EIF3H: variants seen among roughly 807,000 people sequenced by gnomAD.
EIF3H encodes the protein eIF-3-gamma.
Under a neutral mutation model 44.2 loss-of-function variants are expected in EIF3H, and 26 were observed. That is an observed-to-expected ratio of 0.59 (90% CI 0.43 to 0.82). EIF3H has a LOEUF of 0.82. EIF3H is among the 40% of genes least tolerant of loss of function. The pLI is 0.00. For missense variants in EIF3H, 359 were observed against 432.8 expected (o/e 0.83, Z 1.51); for synonymous variants, 166 against 151.9 (o/e 1.09, Z -0.68).
At chr8:116,756,011 T>C (rs946709562), upstream of EIF3H, 10 of 1,535,924 alleles carry the variant, frequency 6.5e-6, no homozygotes, top group East Asian at 2.2e-4. Context: ...CTCTTTCCGA[T>C]GGAATGATCT....
At chr8:116,668,923 A>C (rs1461397491) in intron 2 of EIF3H, among the ~76,000 whole-genome samples, 1 of 152,152 alleles carries the variant, frequency 6.6e-6, no homozygotes, top group Non-Finnish European at 1.5e-5. Flanking sequence ...GTCAGAAGGA[A>C]ATGTTTGTGT....
chr8:116,710,757 G>A (rs1041190028), intron 2 of EIF3H, among the ~76,000 whole-genome samples: 15 of 152,162 alleles, frequency 9.9e-5, no homozygotes, highest in African/African-American at 3.6e-4. Context: ...GGCATACTGG[G>A]TTTTCTGGTT....
chr8:116,720,414 A>G (rs1814724992), intron 2 of EIF3H, among the ~76,000 whole-genome samples: 1 of 152,124 alleles, frequency 6.6e-6, no homozygotes. Context: ...GCCTTCTGCC[A>G]TGACTGTGAA....
chr8:116,650,606 T>A (rs1024091150), intron 5 of EIF3H, among the ~76,000 whole-genome samples: 1 of 152,216 alleles, frequency 6.6e-6, no homozygotes, highest in Admixed American at 6.5e-5. Context: ...ACAACATGGA[T>A]GAACCTTGAA....
chr8:116,667,801 T>C (rs1813693438), intron 2 of EIF3H, among the ~76,000 whole-genome samples: 1 of 152,232 alleles, frequency 6.6e-6, no homozygotes, highest in African/African-American at 2.4e-5. Flanking sequence ...TTCTAAAAGA[T>C]ACTCTCTTCA....
chr8:116,717,267 AAC>A (rs1814673027), intron 2 of EIF3H, among the ~76,000 whole-genome samples: 1 of 152,202 alleles, frequency 6.6e-6, no homozygotes, highest in African/African-American at 2.4e-5. Flanking sequence ...AACAAATGGA[AAC>A]ACATGCCATG....
intron 2 of EIF3H, among the ~76,000 whole-genome samples, chr8:116,721,585 C>T (rs1398007921): frequency 6.6e-6 from 1 of 152,230 alleles, no homozygotes; most frequent in Admixed American, 6.5e-5. Context: ...ACACTCAATG[C>T]CAGCCCATGA....
Position 116,655,497 on chromosome 8 carries a change from C to T in EIF3H, c.707+359G>A, listed in dbSNP as rs1312205928. ...TCCTGAGCATTATTAAATATCCAGA[C>T]CTAATACCCTAAGCCTCTTAGGATC... is the stretch of plus-strand genomic sequence containing the variant. On this transcript the variant is annotated intron_variant, in intron 5 of 7. Transcript: ENST00000521861. Among the ~76,000 whole-genome samples, 6 of 152,030 alleles carry T rather than the reference C, an allele frequency of 3.9e-5. No homozygotes were observed. In the East Asian group the frequency reaches 1.2e-3, roughly 29 times the overall value.
At chr8:116,686,688 T>C (rs187375030) in intron 2 of EIF3H, among the ~76,000 whole-genome samples, 18 of 151,118 alleles carry the variant, frequency 1.2e-4, no homozygotes, top group Admixed American at 6.6e-4. Flanking sequence ...ACAGAATTAA[T>C]GCAAAGGGGA....
intron 1 of EIF3H, among the ~76,000 whole-genome samples, chr8:116,730,487 G>A (rs972953787): frequency 2.0e-5 from 3 of 152,144 alleles, no homozygotes; most frequent in Non-Finnish European, 4.4e-5. Flanking sequence ...CACGAAACCA[G>A]TCCCTGGTGC....
At chr8:116,745,454 C>A (rs1206834305) in intron 1 of EIF3H, among the ~76,000 whole-genome samples, 1 of 152,040 alleles carries the variant, frequency 6.6e-6, no homozygotes, top group Non-Finnish European at 1.5e-5. Flanking sequence ...TAAATAATAC[C>A]CAAGAAGACA....
At position 116,672,150 on chromosome 8, in the gene EIF3H, G is replaced by A. The variant is rs970266384; in HGVS notation, c.290-13170C>T. 6.6e-5 allele frequency among the ~76,000 whole-genome samples: 10 copies of A among 152,318 alleles called. 1 individual carries two copies. The highest frequency in any genetic ancestry group is 5.2e-4 in the Admixed American group (8 of 15,308). ...TTTTAAAAGAGTTAAAGCAGAGACA[G>A]ATAAAAATCTGCCGTGAATAAAATT... is the stretch of plus-strand genomic sequence containing the variant. On this transcript the variant is annotated intron_variant, in intron 2 of 7. Coordinates refer to ENST00000521861, the MANE Select transcript of EIF3H (RefSeq NM_003756.3).
At chr8:116,766,368 T>C (rs16888720), upstream of EIF3H, 23,152 of 433,020 alleles carry the variant, frequency 0.053, 818 homozygotes, top group African/African-American at 0.11. Context: ...TTTTCCAGCG[T>C]ACGCACAAGT....
intron 2 of EIF3H, among the ~76,000 whole-genome samples, chr8:116,720,704 A>G (rs966853032): frequency 3.9e-5 from 6 of 152,160 alleles, no homozygotes; most frequent in Non-Finnish European, 5.9e-5. Flanking sequence ...ACCAAAATGC[A>G]TAACGAAAAT....
intron 2 of EIF3H, among the ~76,000 whole-genome samples, chr8:116,698,115 T>C (rs1167896601): frequency 2.0e-5 from 3 of 152,196 alleles, no homozygotes; most frequent in African/African-American, 7.2e-5. Flanking sequence ...TCTTGATCAT[T>C]ATACCCGAGG....
intron 2 of EIF3H, among the ~76,000 whole-genome samples, chr8:116,663,649 A>G (rs1195490137): frequency 6.6e-6 from 1 of 152,148 alleles, no homozygotes; most frequent in African/African-American, 2.4e-5. Flanking sequence ...CAAACTGGTC[A>G]GCTGCACGCC....
At chr8:116,759,398 A>G (rs1815492044), upstream of EIF3H, among the ~76,000 whole-genome samples, 1 of 152,212 alleles carries the variant, frequency 6.6e-6, no homozygotes, top group South Asian at 2.1e-4. Flanking sequence ...CAGTCTAACT[A>G]GTTCAGCTTT....
chr8:116,681,666 C>CAAAAAA (rs1176033381), intron 2 of EIF3H, among the ~76,000 whole-genome samples: 1 of 90,770 alleles, frequency 1.1e-5, no homozygotes. Context: ...AACTCCATCT[C>CAAAAAA]AAAAAAAAAA....
At chr8:116,657,637 T>A (rs1160397318) in intron 3 of EIF3H, 1 of 253,306 alleles carries the variant, frequency 3.9e-6, no homozygotes, top group Non-Finnish European at 7.5e-6. Context: ...GTTCTAGACA[T>A]ATTGTATAAT....
Sources: gnomAD v4.1 joint callset for allele counts (sites outside exome capture counted in the v4.1 genomes callset) on GRCh38, gnomAD v4.1.1 for gene constraint, MANE v1.5 for transcripts, NCBI Gene and HGNC (gene_info 2026-07-23, HGNC 2026-07-21) for gene names.